The following NSUN4 variants were observed in gnomAD, a reference collection of about 807,000 sequenced individuals.
NSUN4 encodes the protein NOP2/Sun RNA methyltransferase 4.
A neutral mutation model predicts 43.8 loss-of-function variants in NSUN4; 31 were observed. That is an observed-to-expected ratio of 0.71 (90% CI 0.53 to 0.96). The LOEUF (loss-of-function observed/expected upper bound fraction) is 0.96. Among genes scored for constraint, NSUN4 ranks in the 40% least tolerant of loss-of-function variants. The pLI, the probability that NSUN4 is intolerant of heterozygous loss-of-function variation, is 0.00. For missense variants in NSUN4, 439 were observed against 475.6 expected (o/e 0.92, Z 0.72); for synonymous variants, 167 against 184.1 (o/e 0.91, Z 0.75).
rs1282676784 is a variant in NSUN4, at chr1:46,362,840, A to G, written c.*994A>G. 6.6e-6 allele frequency: 1 copy of G among 152,142 alleles called. No individual in the cohort carries two copies. Among genetic ancestry groups the G allele is most frequent in the East Asian group, 1.9e-4 (1 of 5,198 alleles). 9.4% of individuals were successfully genotyped at this position (152,142 alleles called of 1,614,324 possible). A position where few individuals can be genotyped will look rare whatever the true frequency, so the allele number is the denominator to read the frequency against. ...TCAGCATCACAGGGCTTCACTGCAC[A>G]CACTGTGTTCAGGGCAAGATTTCAT... On this transcript the variant is annotated 3_prime_UTR_variant, in exon 6 of 6. Coordinates refer to ENST00000474844, the MANE Select transcript of NSUN4 (RefSeq NM_199044.4).
intron 4 of NSUN4, among the ~76,000 whole-genome samples, chr1:46,353,986 T>C (rs1663189318): frequency 6.6e-6 from 1 of 152,230 alleles, no homozygotes; most frequent in Non-Finnish European, 1.5e-5. Context: ...AATGAATGAG[T>C]ACTGATTTCC....
downstream of NSUN4, among the ~76,000 whole-genome samples, chr1:46,365,519 T>C (rs1482007848): frequency 5.3e-5 from 8 of 152,046 alleles, no homozygotes; most frequent in Non-Finnish European, 1.2e-4. Context: ...TCTTTGTATT[T>C]TTAGTAGAAA....
chr1:46,340,974 T>A, intron 1 of NSUN4, 55 bp downstream of exon 1: 9 of 1,472,800 alleles, frequency 6.1e-6, no homozygotes, highest in Non-Finnish European at 8.4e-6. Context: ...ACTTCTCCAG[T>A]CTTTCCGTTT....
chr1:46,383,448 G>GTTTT, the NSUN4 span, among the ~76,000 whole-genome samples: 17 of 102,394 alleles, frequency 1.7e-4, no homozygotes, highest in African/African-American at 2.3e-4. Context: ...GTTGGCTGGT[G>GTTTT]TTTTTTTTTT....
rs776649217 is a variant in NSUN4, at chr1:46,344,859, C to T, written c.152C>T (p.Thr51Ile). 1.2e-6 allele frequency: 2 copies of T among 1,614,200 alleles called. No individual in the cohort carries two copies. The highest frequency in any genetic ancestry group is 1.7e-6 in the Non-Finnish European group (2 of 1,180,032). Residue 51 changes from threonine (T) to isoleucine (I), a missense_variant, in exon 2 of 6, where the codon ACT (threonine) becomes ATT (isoleucine). Thr to Ile is a moderately conservative substitution (Grantham distance 89, BLOSUM62 -1). Coordinates refer to ENST00000474844, the MANE Select transcript of NSUN4 (RefSeq NM_199044.4). ...VRLALQNFDM[T>I]YSVQFGDLWP... The stretch of plus-strand genomic sequence containing the variant: ...CTGGCTTTGCAGAATTTTGACATGA[C>T]TTACAGTGTGCAGTTTGGAGATCTT...
chr1:46,355,813 G>T (rs1206148997), intron 4 of NSUN4, among the ~76,000 whole-genome samples: 1 of 152,140 alleles, frequency 6.6e-6, no homozygotes, highest in Admixed American at 6.5e-5. Flanking sequence ...TCAGGAGTTT[G>T]AGACCAGCCT....
At chr1:46,370,044 A>G (rs1390132302), downstream of NSUN4, among the ~76,000 whole-genome samples, 1 of 152,208 alleles carries the variant, frequency 6.6e-6, no homozygotes, top group African/African-American at 2.4e-5. Flanking sequence ...TTGAGCTCCA[A>G]GCTGTTCAGA....
At chr1:46,382,753 C>T in the NSUN4 span, among the ~76,000 whole-genome samples, 1 of 152,088 alleles carries the variant, frequency 6.6e-6, no homozygotes, top group Non-Finnish European at 1.5e-5. Context: ...AGGCACAAGC[C>T]AAAATGCCCA....
rs970965056 is a variant in NSUN4, at chr1:46,346,846, T to A, written c.438-75T>A. On this transcript the variant is annotated intron_variant, in intron 2 of 5. Transcript: ENST00000474844. ...ATTGGAGCTCAAGCCCCAGAGGGCA[T>A]AGACTTGGTGGCCTAGACTCCCAGT... 33 of 1,272,472 alleles carry A rather than the reference T, an allele frequency of 2.6e-5. No homozygotes were observed. In the African/African-American group the frequency reaches 4.1e-4, roughly 16 times the overall value. 78.8% of individuals were successfully genotyped at this position (1,272,472 alleles called of 1,614,324 possible).
chr1:46,349,347 A>T (rs1187893345), intron 3 of NSUN4, among the ~76,000 whole-genome samples: 1 of 150,574 alleles, frequency 6.6e-6, no homozygotes, highest in African/African-American at 2.5e-5. Context: ...TCACCGTGTT[A>T]GCCAGGATGG....
intron 2 of NSUN4, chr1:46,345,435 A>C (rs1662419761): frequency 6.1e-6 from 2 of 328,888 alleles, no homozygotes; most frequent in Non-Finnish European, 1.1e-5. Context: ...AAGTGGTGTG[A>C]CTAATATTTA....
chr1:46,375,662 G>A, the NSUN4 span, among the ~76,000 whole-genome samples: 19,876 of 148,446 alleles, frequency 0.13, 1,820 homozygotes, highest in East Asian at 0.38. Context: ...GCTTGAGCTC[G>A]GCAGGCAGAG....
At chr1:46,366,073 A>G (rs1664127142), downstream of NSUN4, among the ~76,000 whole-genome samples, 1 of 152,166 alleles carries the variant, frequency 6.6e-6, no homozygotes, top group African/African-American at 2.4e-5. Flanking sequence ...GGTTGCAGTG[A>G]GCTGGGATTG....
Position 46,364,105 on chromosome 1 carries a change from A to G in NSUN4, c.*2259A>G, listed in dbSNP as rs1664037951. ...GATCACTTGATCCCAGGAATTCTAG[A>G]TCAGCTTGGACAATGTAGTGAGACC... On this transcript the variant is annotated 3_prime_UTR_variant, in exon 6 of 6. Transcript: ENST00000474844. The G allele has an allele frequency of 6.7e-6, 1 of 149,774 alleles. No homozygotes were observed. Among genetic ancestry groups the G allele is most frequent in the Non-Finnish European group, 1.5e-5 (1 of 67,670 alleles). The allele number at this position is 149,774 out of a possible 1,614,324, so 9.3% of individuals were successfully genotyped here. A position where few individuals can be genotyped will look rare whatever the true frequency, so the allele number is the denominator to read the frequency against.
At chr1:46,357,106 C>T (rs1003962671) in intron 4 of NSUN4, among the ~76,000 whole-genome samples, 3 of 152,166 alleles carry the variant, frequency 2.0e-5, no homozygotes, top group Admixed American at 6.6e-5. Context: ...TTTGACTACC[C>T]TCCCTAAATG....
chr1:46,356,549 G>A (rs181838293), intron 4 of NSUN4, among the ~76,000 whole-genome samples: 37 of 152,246 alleles, frequency 2.4e-4, no homozygotes, highest in East Asian at 1.2e-3. Context: ...AAAATTAGCC[G>A]GGTGAGATGG....
At chr1:46,365,337 T>G (rs1305402961), downstream of NSUN4, among the ~76,000 whole-genome samples, 1 of 152,104 alleles carries the variant, frequency 6.6e-6, no homozygotes, top group Non-Finnish European at 1.5e-5. Flanking sequence ...GTACGTGTTT[T>G]CTTTTCTTTT....
chr1:46,381,773 C>T, the NSUN4 span, among the ~76,000 whole-genome samples: 2 of 152,154 alleles, frequency 1.3e-5, no homozygotes, highest in African/African-American at 4.8e-5. Context: ...GGCTAGAATC[C>T]TATTCTTTTA....
At position 46,358,398 on chromosome 1, in the gene NSUN4, A is replaced by ATTT. The variant is rs34719174; in HGVS notation, c.754-2286_754-2284dup. Among the ~76,000 whole-genome samples, 73 of 95,436 alleles carry ATTT rather than the reference A, an allele frequency of 7.6e-4. 10 individuals carry two copies. The highest frequency in any genetic ancestry group is 8.8e-3 in the Middle Eastern group (1 of 114). 62.6% of individuals were successfully genotyped at this position (95,436 alleles called of 152,430 possible). On this transcript the variant is annotated intron_variant, in intron 4 of 5. Transcript: ENST00000474844. Reference sequence around the variant, plus strand: ...GGCATGAGCTACTGCTCCTGGCCTAATTTTTTTTTTTTTTTTTTTTTTGAG... The same window carrying ATTT: ...GGCATGAGCTACTGCTCCTGGCCTAATTTTTTTTTTTTTTTTTTTTTTTTTGAG...
Sources: allele counts gnomAD v4.1 joint callset (sites outside exome capture counted in the v4.1 genomes callset), GRCh38; gene constraint gnomAD v4.1.1; transcripts MANE v1.5; gene names NCBI Gene and HGNC (gene_info 2026-07-23, HGNC 2026-07-21).